Variants in LMNB1 observed in about 807,000 individuals in gnomAD.
LMNB1 encodes the protein lamin B1.
A neutral mutation model predicts 67.1 loss-of-function variants in LMNB1; 23 were observed. The observed-to-expected ratio is 0.34, with a 90% CI of 0.25 to 0.49. The LOEUF is 0.49. Among genes scored for constraint, LMNB1 ranks in the 20% least tolerant of loss-of-function variants. LMNB1 has a pLI of 0.99. For missense variants in LMNB1, 634 were observed against 746.5 expected (o/e 0.85, Z 1.76); for synonymous variants, 281 against 282.9 (o/e 0.99, Z 0.07).
intron 1 of LMNB1, among the ~76,000 whole-genome samples, chr5:126,780,145 T>G (rs911713959): frequency 2.6e-5 from 4 of 152,038 alleles, no homozygotes; most frequent in African/African-American, 9.7e-5. Flanking sequence ...GTGAGCCAGA[T>G]GGTCCACTGC....
Position 126,806,788 on chromosome 5 carries a change from T to TG in LMNB1, c.642+1092_642+1093insG, listed in dbSNP as rs1183063762. 2.0e-5 allele frequency among the ~76,000 whole-genome samples: 3 copies of TG among 151,978 alleles called. No homozygotes were observed. In the East Asian group the frequency reaches 5.8e-4, roughly 29 times the overall value. On this transcript the variant is annotated intron_variant, in intron 3 of 10. Coordinates refer to ENST00000261366, the MANE Select transcript of LMNB1 (RefSeq NM_005573.4). Reference sequence around the variant, plus strand: ...GCATTTATAGGCGTGTAAATTTTTTTTTTTTTGAGACACGAGACCCGCTCT... The same window carrying TG: ...GCATTTATAGGCGTGTAAATTTTTTTGTTTTTTGAGACACGAGACCCGCTCT...
intron 4 of LMNB1, 142 bp downstream of exon 4, chr5:126,810,492 T>A: frequency 1.5e-6 from 1 of 658,016 alleles, no homozygotes; most frequent in Non-Finnish European, 2.3e-6. Context: ...GAAAATTGAT[T>A]TTTTCAAAAA....
intron 6 of LMNB1, among the ~76,000 whole-genome samples, chr5:126,819,405 T>C (rs1751804949): frequency 6.6e-6 from 1 of 152,012 alleles, no homozygotes; most frequent in African/African-American, 2.4e-5. Flanking sequence ...TTTTAAGTGT[T>C]TTGGTGATTT....
At chr5:126,820,293 G>A (rs964082087) in intron 6 of LMNB1, among the ~76,000 whole-genome samples, 2 of 152,216 alleles carry the variant, frequency 1.3e-5, no homozygotes, top group African/African-American at 4.8e-5. Context: ...AACAGTGGCT[G>A]TGGTGGGTGG....
At chr5:126,807,451 T>C (rs541354688) in intron 3 of LMNB1, among the ~76,000 whole-genome samples, 15 of 152,368 alleles carry the variant, frequency 9.8e-5, no homozygotes, top group African/African-American at 3.6e-4. Context: ...TGGACAACTC[T>C]TAGTGTCAGT....
Position 126,802,466 on chromosome 5 carries a change from C to T in LMNB1, c.360-2310C>T, listed in dbSNP as rs557034774. Among the ~76,000 whole-genome samples the T allele has an allele frequency of 3.0e-4, 46 of 152,216 alleles. No individual in the cohort carries two copies. The South Asian group carries it at 8.9e-3, about 30-fold the overall frequency. ...TTGATGTTATTATTATTTTTTGAGA[C>T]GGAGTCTCACTCTGTCACCCAGGCT... On this transcript the variant is annotated intron_variant, in intron 1 of 10. Coordinates refer to ENST00000261366, the MANE Select transcript of LMNB1 (RefSeq NM_005573.4).
At chr5:126,820,805 G>A in intron 6 of LMNB1, 105 bp from the exon 7 acceptor site, 1 of 867,556 alleles carries the variant, frequency 1.2e-6, no homozygotes, top group Non-Finnish European at 1.8e-6. Flanking sequence ...TTGGGTTACA[G>A]ACATGAGCCT....
Position 126,822,796 on chromosome 5 carries a change from G to T in LMNB1, c.1402G>T (p.Gly468Cys), listed in dbSNP as rs1223092533. 3 of 1,609,940 alleles carry T rather than the reference G, an allele frequency of 1.9e-6. No individual in the cohort carries two copies. In the South Asian group the frequency reaches 3.3e-5, roughly 18 times the overall value. The stretch of plus-strand genomic sequence containing the variant: ...CTGTGTGTAGGATCAACCAATGGGA[G>T]GCTGGGAGATGATCAGAAAAATTGG... ...NTSEQDQPMGGWEMIRKIGDT... is the reference protein window; with the variant it reads ...NTSEQDQPMGCWEMIRKIGDT... Residue 468 changes from glycine (G) to cysteine (C), a missense_variant, in exon 8 of 11, where the codon GGC becomes TGC. By Grantham distance (159) the Gly-to-Cys change is radical. Transcript: ENST00000261366.
rs1751302207 is a variant in LMNB1, at chr5:126,802,238, TCAA to T, written c.360-2535_360-2533del. On this transcript the variant is annotated intron_variant, in intron 1 of 10. Coordinates refer to ENST00000261366, the MANE Select transcript of LMNB1 (RefSeq NM_005573.4). ...TACTATTAAATCTTTTCATATGTGA[TCAA>T]CATTTGGCCAGTTTATTTCTTCACT... 2.6e-5 allele frequency among the ~76,000 whole-genome samples: 4 copies of T among 152,362 alleles called. No individual in the cohort carries two copies. In the South Asian group the frequency reaches 8.3e-4, roughly 32 times the overall value.
At chr5:126,780,255 A>G (rs1045669265) in intron 1 of LMNB1, among the ~76,000 whole-genome samples, 1 of 152,208 alleles carries the variant, frequency 6.6e-6, no homozygotes, top group Non-Finnish European at 1.5e-5. Context: ...GTTAGAGGAT[A>G]TGAAGATTTT....
Position 126,821,128 on chromosome 5 carries a change from C to T in LMNB1, c.1379C>T (p.Ser460Phe), listed in dbSNP as rs369747252. Residue 460 changes from serine to phenylalanine, a missense_variant, in exon 7 of 11, where the codon TCT becomes TTT. Coordinates refer to ENST00000261366, the MANE Select transcript of LMNB1 (RefSeq NM_005573.4). ...AAATTTATCCGCTTGAAGAACACTTCTGAACAGGTAATAAAATAGACCCTT... is the reference window on the plus strand; with the variant it reads ...AAATTTATCCGCTTGAAGAACACTTTTGAACAGGTAATAAAATAGACCCTT... ...DGKFIRLKNT[S>F]EQDQPMGGWE... is the part of the protein sequence containing the mutation. 26 of 1,607,348 alleles carry T rather than the reference C, an allele frequency of 1.6e-5. No individual in the cohort carries two copies. Among genetic ancestry groups the T allele is most frequent in the Non-Finnish European group, 2.0e-5 (24 of 1,174,148 alleles).
chr5:126,795,048 C>G (rs1751052223), intron 1 of LMNB1, among the ~76,000 whole-genome samples: 1 of 150,414 alleles, frequency 6.6e-6, no homozygotes, highest in South Asian at 2.1e-4. Flanking sequence ...TTGTTTCACA[C>G]TAATTCTTTG....
At chr5:126,805,818 G>A in intron 3 of LMNB1, 122 bp downstream of exon 3, 1 of 775,762 alleles carries the variant, frequency 1.3e-6, no homozygotes. Flanking sequence ...ATCAGATAAA[G>A]AAATAATAAG....
At chr5:126,814,374 T>G (rs1293748796) in intron 5 of LMNB1, among the ~76,000 whole-genome samples, 1 of 152,216 alleles carries the variant, frequency 6.6e-6, no homozygotes, top group African/African-American at 2.4e-5. Context: ...CTAATCCATT[T>G]GATTTACTTA....
chr5:126,800,969 A>T lies in LMNB1; in HGVS notation c.360-3807A>T, dbSNP rs1211879056. 5.5e-3 allele frequency among the ~76,000 whole-genome samples: 337 copies of T among 60,932 alleles called. 7 individuals are homozygous for T. Among genetic ancestry groups the T allele is most frequent in the Non-Finnish European group, 8.8e-3 (254 of 28,986 alleles). The allele number at this position is 60,932 out of a possible 152,430, so 40.0% of individuals were successfully genotyped here. A position where few individuals can be genotyped will look rare whatever the true frequency, so the allele number is the denominator to read the frequency against. ...AGCCAGACTATATATATATATATAT[A>T]TATATATATATAATTTTTTTTTTTT... On this transcript the variant is annotated intron_variant, in intron 1 of 10. Transcript: ENST00000261366.
At chr5:126,779,489 C>T (rs1750568169) in intron 1 of LMNB1, among the ~76,000 whole-genome samples, 1 of 152,296 alleles carries the variant, frequency 6.6e-6, no homozygotes, top group Non-Finnish European at 1.5e-5. Context: ...TCTTAGATAT[C>T]GTTGCTTGTA....
intron 2 of LMNB1, 107 bp downstream of exon 2, chr5:126,805,039 A>C: frequency 9.6e-7 from 1 of 1,036,284 alleles, no homozygotes; most frequent in Admixed American, 2.8e-5. Flanking sequence ...TTTATTTTTG[A>C]AATTTTATAT....
chr5:126,803,327 C>G (rs1220202212), intron 1 of LMNB1, among the ~76,000 whole-genome samples: 1 of 151,818 alleles, frequency 6.6e-6, no homozygotes, highest in African/African-American at 2.4e-5. Context: ...CTCACTGCAA[C>G]CTCTGCCTCC....
At chr5:126,787,537 T>TAC (rs1750831772) in intron 1 of LMNB1, among the ~76,000 whole-genome samples, 1 of 72,346 alleles carries the variant, frequency 1.4e-5, no homozygotes, top group Non-Finnish European at 2.9e-5. Flanking sequence ...TATATATATA[T>TAC]ATATATATAT....
Sources: gnomAD v4.1 joint callset for allele counts (sites outside exome capture counted in the v4.1 genomes callset) on GRCh38, gnomAD v4.1.1 for gene constraint, MANE v1.5 for transcripts, NCBI Gene and HGNC (gene_info 2026-07-23, HGNC 2026-07-21) for gene names.